SMC1B: variants seen among roughly 807,000 people sequenced by gnomAD.
SMC1B encodes structural maintenance of chromosomes 1B.
A neutral mutation model predicts 157.9 loss-of-function variants in SMC1B; 60 were observed. The observed-to-expected ratio is 0.38, with a 90% CI of 0.31 to 0.47. The LOEUF (loss-of-function observed/expected upper bound fraction) is 0.47, where lower values mean the gene tolerates loss of function less well. SMC1B is among the 20% of genes least tolerant of loss of function. The pLI is 0.99. For missense variants in SMC1B, 1,165 were observed against 1,426.2 expected, an observed-to-expected ratio of 0.82 and a Z score of 2.95; for synonymous variants, 445 against 483.0, an observed-to-expected ratio of 0.92 and a Z score of 1.03.
At position 45,406,866 on chromosome 22, in the gene SMC1B, CT is replaced by C; in HGVS notation, c.299-2del. Reference sequence around the variant, plus strand: ...TTAAAGCGAAATTCTGAGCATCCCCCTAAAATAAAAAAATAAACCCTGTTAA... The same window carrying C: ...TTAAAGCGAAATTCTGAGCATCCCCCAAAATAAAAAAATAAACCCTGTTAA... On this transcript the variant is annotated splice_acceptor_variant, in intron 2 of 24. Transcript: ENST00000357450. LOFTEE classifies it high-confidence loss of function. 1.3e-6 allele frequency: 2 copies of C among 1,549,738 alleles called. No homozygotes were observed. The highest frequency in any genetic ancestry group is 1.3e-5 in the South Asian group (1 of 79,114).
chr22:45,345,483 G>C lies in SMC1B; in HGVS notation c.3582C>G (p.Asp1194Glu), dbSNP rs9626312. 30 of 1,613,028 alleles carry C rather than the reference G, an allele frequency of 1.9e-5. No individual in the cohort carries two copies. Among genetic ancestry groups the C allele is most frequent in the Non-Finnish European group, 2.3e-5 (27 of 1,179,160 alleles). Reference sequence around the variant, plus strand: ...CCTCAGGATAGATGCCGATCAGCGCGTCGGCTCTGGAATAGAACTCTTCTT... The same window carrying C: ...CCTCAGGATAGATGCCGATCAGCGCCTCGGCTCTGGAATAGAACTCTTCTT... ...SLKEEFYSRA[D>E]ALIGIYPEYD... Residue 1194 changes from aspartate (D) to glutamate (E), a missense_variant, in exon 24 of 25, where the codon GAC becomes GAG. Coordinates refer to ENST00000357450, the MANE Select transcript of SMC1B (RefSeq NM_148674.5).
intron 15 of SMC1B, among the ~76,000 whole-genome samples, chr22:45,369,104 GT>G (rs886289654): frequency 6.9e-5 from 10 of 144,714 alleles, no homozygotes; most frequent in Non-Finnish European, 7.6e-5. Flanking sequence ...TCATTCTTTT[GT>G]TTTTTTTTTT....
intron 12 of SMC1B, among the ~76,000 whole-genome samples, chr22:45,377,892 AG>A (rs969046406): frequency 6.6e-5 from 10 of 151,666 alleles, no homozygotes; most frequent in African/African-American, 2.4e-4. Flanking sequence ...TCTGTTACCC[AG>A]GTTAAAGTGC....
Position 45,371,463 on chromosome 22 carries a change from T to G in SMC1B, c.2313+8A>C, listed in dbSNP as rs2086830669. 1 of 1,584,840 alleles carries G rather than the reference T, an allele frequency of 6.3e-7. No individual in the cohort carries two copies. Among genetic ancestry groups the G allele is most frequent in the African/African-American group, 1.4e-5 (1 of 73,326 alleles). On this transcript the variant is annotated splice_region_variant and intron_variant, in intron 14 of 24. Coordinates refer to ENST00000357450, the MANE Select transcript of SMC1B (RefSeq NM_148674.5). ...ATACCATTTAGGAATAAATATAACA[T>G]TCATGACCTTATCTATCTTTTCTTG...
At chr22:45,373,468 G>C (rs185339218) in intron 12 of SMC1B, among the ~76,000 whole-genome samples, 1 of 152,206 alleles carries the variant, frequency 6.6e-6, no homozygotes, top group African/African-American at 2.4e-5. Flanking sequence ...TGGAATTCCT[G>C]TTGTTTCATT....
At chr22:45,361,745 T>TGAG in intron 17 of SMC1B, 94 bp downstream of exon 17, 1 of 1,214,024 alleles carries the variant, frequency 8.2e-7, no homozygotes, top group East Asian at 2.4e-5. Context: ...AAAGGGCACA[T>TGAG]ATTCAAATGC....
chr22:45,348,791 C>T (rs564607599), intron 23 of SMC1B, among the ~76,000 whole-genome samples: 1 of 149,416 alleles, frequency 6.7e-6, no homozygotes, highest in Non-Finnish European at 1.5e-5. Flanking sequence ...CTCTGTCTCT[C>T]AGGCTCAGGT....
chr22:45,344,488 G>T lies in SMC1B; in HGVS notation c.*68C>A. The T allele has an allele frequency of 8.7e-7, 1 of 1,150,486 alleles. No individual in the cohort carries two copies. The highest frequency in any genetic ancestry group is 1.3e-6 in the Non-Finnish European group (1 of 763,538). 71.3% of individuals were successfully genotyped at this position (1,150,486 alleles called of 1,614,324 possible). A position where few individuals can be genotyped will look rare whatever the true frequency, so the allele number is the denominator to read the frequency against. ...GTCCTGCTTGCTCCAGAAGTCTCCTGTGGAGGAGCTGTGTGAGTATTAGAG... is the reference window on the plus strand; with the variant it reads ...GTCCTGCTTGCTCCAGAAGTCTCCTTTGGAGGAGCTGTGTGAGTATTAGAG... On this transcript the variant is annotated 3_prime_UTR_variant, in exon 25 of 25. Transcript: ENST00000357450.
chr22:45,355,207 G>A, intron 19 of SMC1B, 92 bp from the exon 20 acceptor site: 1 of 1,278,414 alleles, frequency 7.8e-7, no homozygotes, highest in Non-Finnish European at 1.1e-6. Flanking sequence ...CACCATCCCA[G>A]GTCCCTGTGC....
intron 10 of SMC1B, among the ~76,000 whole-genome samples, chr22:45,387,439 G>C (rs2087001639): frequency 6.8e-6 from 1 of 147,530 alleles, no homozygotes; most frequent in Admixed American, 6.7e-5. Context: ...AACAGAGTGA[G>C]ACTCCGTCTC....
In SMC1B at chr22:45,398,015, C is replaced by A. The variant is rs1602090815; in HGVS notation, c.1113+1080G>T. Among the ~76,000 whole-genome samples, 3 of 152,260 alleles carry A rather than the reference C, an allele frequency of 2.0e-5. No individual in the cohort carries two copies. The East Asian group carries it at 5.8e-4, about 29-fold the overall frequency. ...CCCTCTGCTGGCAGAGGGCAGCTGCCCCACATGACAGGAAGCAGTGGTGGG... is the reference window on the plus strand; with the variant it reads ...CCCTCTGCTGGCAGAGGGCAGCTGCACCACATGACAGGAAGCAGTGGTGGG... On this transcript the variant is annotated intron_variant, in intron 6 of 24. Transcript: ENST00000357450.
intron 12 of SMC1B, among the ~76,000 whole-genome samples, chr22:45,377,283 GC>G (rs1279910267): frequency 1.3e-5 from 2 of 152,020 alleles, no homozygotes; most frequent in Non-Finnish European, 2.9e-5. Context: ...AAAAGCACTA[GC>G]TTTTAGATTT....
intron 24 of SMC1B, 59 bp from the exon 25 acceptor site, chr22:45,344,716 G>A (rs1256670492): frequency 1.7e-6 from 2 of 1,182,798 alleles, no homozygotes; most frequent in African/African-American, 3.0e-5. Context: ...TATTATTAAA[G>A]TAAGAGCCAT....
At chr22:45,361,516 C>G (rs372325317) in intron 17 of SMC1B, among the ~76,000 whole-genome samples, 6 of 152,212 alleles carry the variant, frequency 3.9e-5, no homozygotes, top group Admixed American at 1.3e-4. Flanking sequence ...GTCCCAGCTA[C>G]TTGGGGGAGA....
chr22:45,353,909 A>AAC, intron 21 of SMC1B, 69 bp downstream of exon 21: 11 of 684,088 alleles, frequency 1.6e-5, no homozygotes, highest in Admixed American at 4.7e-5. Context: ...AAAAAAAAAA[A>AAC]AAAAAAAAAA....
chr22:45,350,557 T>C (rs573198919), intron 22 of SMC1B, among the ~76,000 whole-genome samples: 19 of 152,372 alleles, frequency 1.2e-4, no homozygotes, highest in Admixed American at 3.3e-4. Context: ...ATTACAGGCG[T>C]GAGCCACCGC....
At chr22:45,389,043 A>G (rs937389093) in intron 10 of SMC1B, among the ~76,000 whole-genome samples, 22 of 151,848 alleles carry the variant, frequency 1.4e-4, no homozygotes, top group African/African-American at 5.3e-4. Flanking sequence ...AATTAAGACT[A>G]TATTAAGTAA....
intron 11 of SMC1B, 98 bp downstream of exon 11, chr22:45,386,769 A>G: frequency 9.1e-7 from 1 of 1,104,372 alleles, no homozygotes; most frequent in Non-Finnish European, 1.3e-6. Flanking sequence ...AAGAACACAT[A>G]AAACGCATAT....
chr22:45,388,521 A>G (rs1228430527), intron 10 of SMC1B, among the ~76,000 whole-genome samples: 2 of 152,160 alleles, frequency 1.3e-5, no homozygotes, highest in African/African-American at 4.8e-5. Context: ...GGAAGTACAA[A>G]AGGGAGGTCT....
Sources: allele counts gnomAD v4.1 joint callset (sites outside exome capture counted in the v4.1 genomes callset), GRCh38; gene constraint gnomAD v4.1.1; transcripts MANE v1.5; gene names NCBI Gene and HGNC (gene_info 2026-07-23, HGNC 2026-07-21).